The following CSRNP3 variants were observed in gnomAD, a reference collection of about 807,000 sequenced individuals.
The protein encoded by CSRNP3 is cysteine and serine rich nuclear protein 3.
CSRNP3 carries 12 observed loss-of-function variants against 48.0 expected under a neutral mutation model. The observed-to-expected ratio is 0.25, with a 90% confidence interval of 0.16 to 0.41. The LOEUF (loss-of-function observed/expected upper bound fraction) is 0.41, where lower values mean the gene tolerates loss of function less well. Among genes scored for constraint, CSRNP3 ranks in the 10% least tolerant of loss-of-function variants. The probability of loss-of-function intolerance (pLI) is 1.00; values close to 1 mark genes in which losing one functional copy is unlikely to be tolerated. For missense variants in CSRNP3, 580 were observed against 724.4 expected, an observed-to-expected ratio of 0.80 and a Z score of 2.29; for synonymous variants, 263 against 269.7, an observed-to-expected ratio of 0.98 and a Z score of 0.24.
At chr2:165,525,595 C>T (rs1399839111) in intron 3 of CSRNP3, among the ~76,000 whole-genome samples, 1 of 150,876 alleles carries the variant, frequency 6.6e-6, no homozygotes, top group South Asian at 2.1e-4. Context: ...AAGTGATTCT[C>T]CTGCCTCAGC....
intron 4 of CSRNP3, among the ~76,000 whole-genome samples, chr2:165,596,832 C>T (rs1685819696): frequency 6.6e-6 from 1 of 152,156 alleles, no homozygotes; most frequent in Non-Finnish European, 1.5e-5. Context: ...ATGTCAAGTA[C>T]TAGGCACATG....
At chr2:165,483,703 G>A (rs549915092) in intron 1 of CSRNP3, among the ~76,000 whole-genome samples, 3 of 152,262 alleles carry the variant, frequency 2.0e-5, no homozygotes, top group Non-Finnish European at 2.9e-5. Context: ...GATAGATACC[G>A]TGTCTGGTGA....
rs200408228 is a variant in CSRNP3, at chr2:165,477,483, A to AATATATATATATATATATATATATAT, written c.-283+7758_-283+7759insTATATATATATATATATATATATATA. On this transcript the variant is annotated intron_variant, in intron 1 of 6. Transcript: ENST00000651982. ...AAAATACAAATATATATATATATGA[A>AATATATATATATATATATATATATAT]ATATATATATATATAATACAAATAT... 1.0e-3 allele frequency among the ~76,000 whole-genome samples: 129 copies of AATATATATATATATATATATATATAT among 129,564 alleles called. 1 individual carries two copies. The highest frequency in any genetic ancestry group is 1.3e-3 in the Non-Finnish European group (76 of 60,484). 85.0% of individuals were successfully genotyped at this position (129,564 alleles called of 152,430 possible). A position where few individuals can be genotyped will look rare whatever the true frequency, so the allele number is the denominator to read the frequency against.
intron 2 of CSRNP3, among the ~76,000 whole-genome samples, chr2:165,511,558 G>C (rs1684506246): frequency 6.6e-6 from 1 of 152,124 alleles, no homozygotes; most frequent in Non-Finnish European, 1.5e-5. Context: ...CAGACTACAT[G>C]ATCACAAATG....
intron 3 of CSRNP3, among the ~76,000 whole-genome samples, chr2:165,592,495 ATTGT>A (rs1420326382): frequency 6.6e-6 from 1 of 152,104 alleles, no homozygotes; most frequent in African/African-American, 2.4e-5. Context: ...AGGCAGAATG[ATTGT>A]TTGGCTGTAT....
intron 1 of CSRNP3, among the ~76,000 whole-genome samples, chr2:165,482,265 C>CTTTTTTTTTT (rs5836042): frequency 7.0e-6 from 1 of 143,282 alleles, no homozygotes; most frequent in Non-Finnish European, 1.5e-5. Context: ...AAGAGATGTG[C>CTTTTTTTTTT]TTTTTTTTTT....
intron 3 of CSRNP3, among the ~76,000 whole-genome samples, chr2:165,582,438 G>C (rs1384841433): frequency 6.6e-6 from 1 of 152,174 alleles, no homozygotes; most frequent in Non-Finnish European, 1.5e-5. Flanking sequence ...GGCCAGTTTT[G>C]GGTGGTTTTT....
At chr2:165,606,659 A>G (rs1384258019) in intron 4 of CSRNP3, among the ~76,000 whole-genome samples, 1 of 152,126 alleles carries the variant, frequency 6.6e-6, no homozygotes, top group African/African-American at 2.4e-5. Flanking sequence ...ACGTGGAATA[A>G]TTGTCCATTT....
intron 2 of CSRNP3, among the ~76,000 whole-genome samples, chr2:165,509,995 A>G (rs1260292551): frequency 6.6e-6 from 1 of 152,140 alleles, no homozygotes; most frequent in African/African-American, 2.4e-5. Context: ...TTTTCTAATG[A>G]TTAGACTTCG....
chr2:165,643,129 A>G (rs1686752398), intron 4 of CSRNP3, among the ~76,000 whole-genome samples: 1 of 152,202 alleles, frequency 6.6e-6, no homozygotes, highest in South Asian at 2.1e-4. Context: ...TTCATTTAAC[A>G]CATGTGTATT....
Position 165,652,454 on chromosome 2 carries a change from G to A in CSRNP3, c.149-5307G>A, listed in dbSNP as rs190390276. Among the ~76,000 whole-genome samples, 949 of 150,494 alleles carry A rather than the reference G, an allele frequency of 6.3e-3. 6 individuals carry two copies. The highest frequency in any genetic ancestry group is 0.01 in the Non-Finnish European group (711 of 67,830). On this transcript the variant is annotated intron_variant, in intron 4 of 6. Coordinates refer to ENST00000651982, the MANE Select transcript of CSRNP3 (RefSeq NM_001172173.2). ...GCGGAGGTTGCAGTGAGTTGAGATC[G>A]CACCACTGCACTCTAGCCTGGTAAC...
chr2:165,493,639 C>T (rs1401766659), intron 1 of CSRNP3, among the ~76,000 whole-genome samples: 1 of 152,074 alleles, frequency 6.6e-6, no homozygotes, highest in East Asian at 1.9e-4. Context: ...ATAAGGAAAG[C>T]ATAGAGCAAA....
chr2:165,476,682 C>T (rs536769650), intron 1 of CSRNP3, among the ~76,000 whole-genome samples: 20 of 152,220 alleles, frequency 1.3e-4, no homozygotes, highest in Non-Finnish European at 2.5e-4. Flanking sequence ...AACTGATTGA[C>T]TTTGCAATCA....
chr2:165,565,698 G>A (rs184349919), intron 3 of CSRNP3, among the ~76,000 whole-genome samples: 13 of 152,138 alleles, frequency 8.5e-5, no homozygotes, highest in African/African-American at 3.1e-4. Flanking sequence ...TTAATAGCAA[G>A]CCATGGAATT....
chr2:165,532,663 C>A (rs1684830406), intron 3 of CSRNP3, among the ~76,000 whole-genome samples: 9 of 151,884 alleles, frequency 5.9e-5, no homozygotes, highest in Admixed American at 5.9e-4. Flanking sequence ...ACAGGGATGC[C>A]CTCTCTCACC....
chr2:165,675,241 C>A (rs574184660), intron 5 of CSRNP3, among the ~76,000 whole-genome samples: 15 of 152,118 alleles, frequency 9.9e-5, no homozygotes, highest in Non-Finnish European at 1.5e-4. Flanking sequence ...GATGGATGAA[C>A]TGTTGTTAAG....
chr2:165,615,887 GGTTT>G (rs1160867221), intron 4 of CSRNP3, among the ~76,000 whole-genome samples: 1,750 of 126,428 alleles, frequency 0.014, 26 homozygotes, highest in African/African-American at 0.043. Context: ...ATGTTTGTGG[GGTTT>G]TTTTTTTTTT....
In CSRNP3 at chr2:165,529,033, C is replaced by T. The variant is rs1490326875; in HGVS notation, c.-24+11072C>T. 5.4e-4 allele frequency among the ~76,000 whole-genome samples: 80 copies of T among 149,486 alleles called. 1 individual carries two copies. The highest frequency in any genetic ancestry group is 1.5e-5 in the Non-Finnish European group (1 of 67,212). On this transcript the variant is annotated intron_variant, in intron 3 of 6. Coordinates refer to ENST00000651982, the MANE Select transcript of CSRNP3 (RefSeq NM_001172173.2). ...CAGCTGCCCAAACCACGGCTTTGGA[C>T]CCAGGGGTCCCTGCATTCTTGGGGG...
chr2:165,552,050 T>C (rs532993360), intron 3 of CSRNP3, among the ~76,000 whole-genome samples: 3 of 152,350 alleles, frequency 2.0e-5, no homozygotes, highest in East Asian at 3.9e-4. Context: ...TGAAAAACTT[T>C]ATCATCACAA....
Sources: gnomAD v4.1 joint callset for allele counts (sites outside exome capture counted in the v4.1 genomes callset) on GRCh38, gnomAD v4.1.1 for gene constraint, MANE v1.5 for transcripts, NCBI Gene and HGNC (gene_info 2026-07-23, HGNC 2026-07-21) for gene names.